LRRTM3: variants seen among roughly 807,000 people sequenced by gnomAD.
LRRTM3 encodes leucine rich repeat transmembrane neuronal 3.
LRRTM3 carries 24 observed loss-of-function variants against 44.7 expected under a neutral mutation model. That is an observed-to-expected ratio of 0.54 (90% CI 0.39 to 0.76). LRRTM3 has a LOEUF of 0.76. Among genes scored for constraint, LRRTM3 ranks in the 30% least tolerant of loss-of-function variants. The pLI, the probability that LRRTM3 is intolerant of heterozygous loss-of-function variation, is 0.00. For synonymous variants in LRRTM3, 277 were observed against 278.7 expected (o/e 0.99, Z 0.06); for missense variants, 587 against 702.2 (o/e 0.84, Z 1.85).
At chr10:66,943,798 T>C (rs1436475250) in intron 2 of LRRTM3, among the ~76,000 whole-genome samples, 2 of 152,206 alleles carry the variant, frequency 1.3e-5, no homozygotes, top group African/African-American at 4.8e-5. Context: ...TTTGGTTTCC[T>C]AGTGAATATA....
chr10:67,065,659 C>G lies in LRRTM3; in HGVS notation c.1537-31928C>G, dbSNP rs1450523128. Among the ~76,000 whole-genome samples, 4 of 152,054 alleles carry G rather than the reference C, an allele frequency of 2.6e-5. No individual in the cohort carries two copies. In the East Asian group the frequency reaches 7.7e-4, roughly 29 times the overall value. ...ATAAAATTCTCCAGTGCCTGGTCCT[C>G]CATGCCCTTTCCCCAAGCATGAGCC... is the stretch of plus-strand genomic sequence containing the variant. On this transcript the variant is annotated intron_variant, in intron 2 of 2. Coordinates refer to ENST00000361320, the MANE Select transcript of LRRTM3 (RefSeq NM_178011.5).
intron 2 of LRRTM3, among the ~76,000 whole-genome samples, chr10:66,999,321 C>A (rs959791318): frequency 2.0e-5 from 3 of 152,080 alleles, no homozygotes; most frequent in African/African-American, 7.2e-5. Context: ...ACACTGGAAT[C>A]TGAAATTATC....
intron 2 of LRRTM3, among the ~76,000 whole-genome samples, chr10:67,026,706 G>A (rs10997484): frequency 0.31 from 47,391 of 152,020 alleles, 8,609 homozygotes; most frequent in East Asian, 0.53. Flanking sequence ...AACCAGTGAC[G>A]AAAAAGTATA....
At position 67,069,557 on chromosome 10, in the gene LRRTM3, G is replaced by GCCCCA. The variant is rs549930721; in HGVS notation, c.1537-28006_1537-28002dup. ...GATATTACAAGGTGTACAGCAGCCC[G>GCCCCA]CCCCACCCCACCCCACCCCACCCCA... On this transcript the variant is annotated intron_variant, in intron 2 of 2. Coordinates refer to ENST00000361320, the MANE Select transcript of LRRTM3 (RefSeq NM_178011.5). 2.1e-3 allele frequency among the ~76,000 whole-genome samples: 202 copies of GCCCCA among 96,358 alleles called. 1 individual carries two copies. Among genetic ancestry groups the GCCCCA allele is most frequent in the Non-Finnish European group, 2.6e-3 (125 of 47,286 alleles). The allele number at this position is 96,358 out of a possible 152,430, so 63.2% of individuals were successfully genotyped here.
intron 2 of LRRTM3, among the ~76,000 whole-genome samples, chr10:67,079,190 A>T (rs113953622): frequency 0.055 from 8,445 of 152,190 alleles, 345 homozygotes; most frequent in South Asian, 0.19. Flanking sequence ...TTGTGTGGGG[A>T]TGTATGCAAG....
At position 67,080,930 on chromosome 10, in the gene LRRTM3, A is replaced by C. The variant is rs200263953; in HGVS notation, c.1537-16657A>C. 6.9e-3 allele frequency among the ~76,000 whole-genome samples: 243 copies of C among 35,348 alleles called. 2 individuals are homozygous for C. Among genetic ancestry groups the C allele is most frequent in the East Asian group, 0.033 (42 of 1,266 alleles). The allele number at this position is 35,348 out of a possible 152,430, so 23.2% of individuals were successfully genotyped here. On this transcript the variant is annotated intron_variant, in intron 2 of 2. Transcript: ENST00000361320. ...TCTGAAAAAAAACAAAAAAACAAAAAAACAACAAAAAAAAAAAAACAAAGA... is the reference window on the plus strand; with the variant it reads ...TCTGAAAAAAAACAAAAAAACAAAACAACAACAAAAAAAAAAAAACAAAGA...
intron 2 of LRRTM3, among the ~76,000 whole-genome samples, chr10:66,969,580 C>T (rs1849611266): frequency 6.6e-6 from 1 of 152,050 alleles, no homozygotes; most frequent in Non-Finnish European, 1.5e-5. Flanking sequence ...TCCATAACAC[C>T]ACACTGTTTT....
intron 2 of LRRTM3, among the ~76,000 whole-genome samples, chr10:67,063,941 C>T (rs900440915): frequency 1.3e-5 from 2 of 152,170 alleles, no homozygotes; most frequent in African/African-American, 4.8e-5. Flanking sequence ...CTTCTGCACA[C>T]ACACTCGTCA....
At chr10:67,001,083 AT>A (rs1168179972) in intron 2 of LRRTM3, among the ~76,000 whole-genome samples, 2 of 151,894 alleles carry the variant, frequency 1.3e-5, no homozygotes, top group East Asian at 3.9e-4. Context: ...TGGGTGGATC[AT>A]GAGGTCAGGA....
chr10:67,016,883 T>C (rs1852692320), intron 2 of LRRTM3, among the ~76,000 whole-genome samples: 1 of 152,212 alleles, frequency 6.6e-6, no homozygotes, highest in African/African-American at 2.4e-5. Flanking sequence ...AAAACTGGAA[T>C]GATACGAATA....
Position 67,098,657 on chromosome 10 carries a change from T to G in LRRTM3, c.*861T>G, listed in dbSNP as rs1204031125. On this transcript the variant is annotated 3_prime_UTR_variant, in exon 3 of 3. Transcript: ENST00000361320. ...GGGGAAAGCATGGACAAAACATCAC[T>G]GGAAACAAAGGCTGTAACCACAGCA... The G allele has an allele frequency of 6.6e-6, 1 of 152,270 alleles. No homozygotes were observed. The highest frequency in any genetic ancestry group is 1.5e-5 in the Non-Finnish European group (1 of 67,896). 9.4% of individuals were successfully genotyped at this position (152,270 alleles called of 1,614,324 possible).
At chr10:67,018,080 T>A (rs1852774126) in intron 2 of LRRTM3, among the ~76,000 whole-genome samples, 1 of 152,140 alleles carries the variant, frequency 6.6e-6, no homozygotes, top group South Asian at 2.1e-4. Context: ...CCTGTGGATA[T>A]ATATTAAACA....
intron 2 of LRRTM3, among the ~76,000 whole-genome samples, chr10:67,006,266 C>T (rs895545810): frequency 6.6e-6 from 1 of 152,062 alleles, no homozygotes; most frequent in African/African-American, 2.4e-5. Context: ...CTCTTCTCTA[C>T]ATCACACCAC....
At chr10:66,985,495 T>G (rs1850678325) in intron 2 of LRRTM3, among the ~76,000 whole-genome samples, 1 of 152,016 alleles carries the variant, frequency 6.6e-6, no homozygotes, top group Non-Finnish European at 1.5e-5. Flanking sequence ...TACCCAGCCC[T>G]CCTCCTCCCC....
chr10:67,036,540 T>G (rs1437603679), intron 2 of LRRTM3, among the ~76,000 whole-genome samples: 1 of 151,996 alleles, frequency 6.6e-6, no homozygotes, highest in Non-Finnish European at 1.5e-5. Context: ...GGCAGCTTTT[T>G]AAAAAAATTT....
chr10:67,017,759 G>A (rs906025434), intron 2 of LRRTM3, among the ~76,000 whole-genome samples: 12 of 151,420 alleles, frequency 7.9e-5, no homozygotes, highest in Admixed American at 2.0e-4. Context: ...GTGTGCGCGC[G>A]TACAATTTTA....
intron 2 of LRRTM3, among the ~76,000 whole-genome samples, chr10:66,956,110 GGAA>G (rs1043195613): frequency 1.0e-3 from 153 of 152,104 alleles, no homozygotes; most frequent in African/African-American, 3.6e-3. Context: ...GACCACCCAA[GGAA>G]GAAGAACCTT....
chr10:66,938,167 T>G (rs967197326), intron 2 of LRRTM3, among the ~76,000 whole-genome samples: 1 of 152,132 alleles, frequency 6.6e-6, no homozygotes, highest in Non-Finnish European at 1.5e-5. Context: ...TCATAAAAAC[T>G]TTTTTTAGTT....
At chr10:66,948,265 G>T (rs933326869) in intron 2 of LRRTM3, among the ~76,000 whole-genome samples, 5 of 152,118 alleles carry the variant, frequency 3.3e-5, no homozygotes, top group Admixed American at 6.6e-5. Context: ...TTGAGGCATC[G>T]TATAACATAG....
Sources: allele counts gnomAD v4.1 joint callset (sites outside exome capture counted in the v4.1 genomes callset), GRCh38; gene constraint gnomAD v4.1.1; transcripts MANE v1.5; gene names NCBI Gene and HGNC (gene_info 2026-07-23, HGNC 2026-07-21).